The following KIF26B variants were observed in gnomAD, a reference collection of about 807,000 sequenced individuals.
KIF26B encodes the protein kinesin-like protein KIF26B.
A neutral mutation model predicts 151.2 loss-of-function variants in KIF26B; 63 were observed. That is an observed-to-expected ratio of 0.42 (90% CI 0.34 to 0.51). The LOEUF (loss-of-function observed/expected upper bound fraction) is 0.51. KIF26B is among the 20% of genes least tolerant of loss of function. The pLI, the probability that KIF26B is intolerant of heterozygous loss-of-function variation, is 0.07. For missense variants in KIF26B, 2,813 were observed against 2,913.6 expected, an observed-to-expected ratio of 0.97 and a Z score of 0.79; for synonymous variants, 1,357 against 1,262.1, an observed-to-expected ratio of 1.08 and a Z score of -1.59.
At chr1:245,470,592 G>A (rs972433049) in intron 4 of KIF26B, among the ~76,000 whole-genome samples, 10 of 151,850 alleles carry the variant, frequency 6.6e-5, no homozygotes, top group African/African-American at 2.4e-4. Flanking sequence ...CACCACGCCC[G>A]GCTAATTTTT....
chr1:245,326,564 A>C (rs1349779425), intron 2 of KIF26B, among the ~76,000 whole-genome samples: 1 of 152,200 alleles, frequency 6.6e-6, no homozygotes, highest in East Asian at 1.9e-4. Flanking sequence ...CATGCTCAGA[A>C]ATGCTGACTT....
rs763261960 is a variant in KIF26B at position 245,609,489 on chromosome 1, G to A, written c.1875G>A (p.Pro625=). The change falls in exon 8 of 15, where the codon CCG becomes CCA. Residue 625 remains proline, a synonymous_variant. Transcript: ENST00000407071. ...GCAGCCTGCAGGACGGCCAGTCCCCGGGCGTGTACCTCTGTGAGGACCCCA... is the reference window on the plus strand; with the variant it reads ...GCAGCCTGCAGGACGGCCAGTCCCCAGGCGTGTACCTCTGTGAGGACCCCA... The part of the protein sequence containing the change: ...ATGSLQDGQS[P]GVYLCEDPIC... 48 of 1,594,720 alleles carry A rather than the reference G, an allele frequency of 3.0e-5. No homozygotes were observed. The East Asian group carries it at 6.5e-4, about 22-fold the overall frequency.
At chr1:245,369,894 C>G (rs371304818) in intron 3 of KIF26B, among the ~76,000 whole-genome samples, 1 of 152,326 alleles carries the variant, frequency 6.6e-6, no homozygotes, top group African/African-American at 2.4e-5. Flanking sequence ...TAATGAGGAA[C>G]CAGTGGCGTC....
chr1:245,475,286 G>A (rs533474559), intron 4 of KIF26B, among the ~76,000 whole-genome samples: 2 of 151,930 alleles, frequency 1.3e-5, no homozygotes, highest in East Asian at 3.9e-4. Context: ...GAATCGGAAT[G>A]AGGTCATACT....
intron 4 of KIF26B, among the ~76,000 whole-genome samples, chr1:245,480,040 G>A (rs1041986080): frequency 6.6e-6 from 1 of 151,820 alleles, no homozygotes; most frequent in African/African-American, 2.4e-5. Flanking sequence ...GAGGCAGGTG[G>A]ATCGCTTGAG....
intron 2 of KIF26B, among the ~76,000 whole-genome samples, chr1:245,243,219 T>A (rs770544553): frequency 2.6e-5 from 4 of 152,206 alleles, no homozygotes; most frequent in African/African-American, 4.8e-5. Flanking sequence ...CTTGTCTTTA[T>A]CAAACTTTAA....
intron 2 of KIF26B, among the ~76,000 whole-genome samples, chr1:245,254,913 C>T (rs1670506207): frequency 6.6e-6 from 1 of 152,148 alleles, no homozygotes; most frequent in Non-Finnish European, 1.5e-5. Context: ...CCTATTTTTA[C>T]TTTAAAAGTA....
intron 14 of KIF26B, among the ~76,000 whole-genome samples, chr1:245,701,883 G>C (rs1403126200): frequency 6.6e-6 from 1 of 152,172 alleles, no homozygotes; most frequent in East Asian, 1.9e-4. Flanking sequence ...CCTCTGCCCG[G>C]CCACCTCTGG....
chr1:245,591,530 C>T (rs1223465336), intron 5 of KIF26B, among the ~76,000 whole-genome samples: 8 of 152,178 alleles, frequency 5.3e-5, no homozygotes, highest in African/African-American at 1.7e-4. Context: ...CAAACCCAGG[C>T]CGCCTGTCTC....
chr1:245,670,900 G>T (rs1558261682), intron 10 of KIF26B, among the ~76,000 whole-genome samples: 1 of 151,874 alleles, frequency 6.6e-6, no homozygotes, highest in Admixed American at 6.6e-5. Flanking sequence ...GTACAATTAA[G>T]TTGTTATAGT....
intron 4 of KIF26B, among the ~76,000 whole-genome samples, chr1:245,499,667 T>C (rs1660581527): frequency 6.6e-6 from 1 of 152,222 alleles, no homozygotes; most frequent in Admixed American, 6.5e-5. Flanking sequence ...AGAGGCAAAG[T>C]GAGCAGCATT....
intron 4 of KIF26B, among the ~76,000 whole-genome samples, chr1:245,518,213 C>T (rs10924227): frequency 0.25 from 37,789 of 151,970 alleles, 5,734 homozygotes; most frequent in East Asian, 0.49. Context: ...ACTAAGACAA[C>T]GTATTTTTCA....
Position 245,540,525 on chromosome 1 carries a change from C to G in KIF26B, c.1167-242C>G, listed in dbSNP as rs113641701. ...GGATAACACATCATTCTTTGTAAAT[C>G]GTGATTGCAGAATCCTGCTATTTTA... On this transcript the variant is annotated intron_variant, in intron 4 of 14. Coordinates refer to ENST00000407071, the MANE Select transcript of KIF26B (RefSeq NM_018012.4). The surrounding 1 kb of genome is among the most constrained non-coding windows in gnomAD (Gnocchi z 4.6). 1.2e-5 allele frequency: 8 copies of G among 687,792 alleles called. No homozygotes were observed. In the East Asian group the frequency reaches 1.4e-4, roughly 12 times the overall value. The allele number at this position is 687,792 out of a possible 1,614,324, so 42.6% of individuals were successfully genotyped here.
chr1:245,442,044 G>T (rs1659117829), intron 4 of KIF26B, among the ~76,000 whole-genome samples: 2 of 152,264 alleles, frequency 1.3e-5, no homozygotes, highest in Admixed American at 1.3e-4. Context: ...TGGGTAGCCA[G>T]TGAGCACTTG....
chr1:245,415,409 C>T (rs112583378), intron 3 of KIF26B, among the ~76,000 whole-genome samples: 3,516 of 152,026 alleles, frequency 0.023, 140 homozygotes, highest in African/African-American at 0.08. Flanking sequence ...ATTTGCAGGG[C>T]TGAGGAAGAG....
intron 2 of KIF26B, among the ~76,000 whole-genome samples, chr1:245,341,362 C>T (rs185450803): frequency 7.4e-6 from 1 of 134,568 alleles, no homozygotes; most frequent in Non-Finnish European, 1.6e-5. Context: ...GCTTTGTCAC[C>T]CAGGCTAGCC....
chr1:245,197,509 C>T (rs955787062), intron 2 of KIF26B, among the ~76,000 whole-genome samples: 9 of 152,172 alleles, frequency 5.9e-5, no homozygotes, highest in South Asian at 4.2e-4. Context: ...CACACACACA[C>T]GTGCTCACAC....
intron 3 of KIF26B, among the ~76,000 whole-genome samples, chr1:245,393,482 C>G (rs1451336857): frequency 6.6e-6 from 1 of 151,790 alleles, no homozygotes; most frequent in Non-Finnish European, 1.5e-5. Context: ...TTGTTTTCTT[C>G]TCTTTTGTAT....
At chr1:245,184,050 G>GTTTGTTTTTTTT (rs1668954964) in intron 2 of KIF26B, among the ~76,000 whole-genome samples, 12 of 19,802 alleles carry the variant, frequency 6.1e-4, no homozygotes, top group African/African-American at 1.8e-3. Context: ...GGGAGTTGTT[G>GTTTGTTTTTTTT]TTTTTTTTTT....
Sources: allele counts gnomAD v4.1 joint callset (sites outside exome capture counted in the v4.1 genomes callset), GRCh38; gene constraint gnomAD v4.1.1; non-coding constraint Gnocchi (gnomAD v3.1); transcripts MANE v1.5; gene names NCBI Gene and HGNC (gene_info 2026-07-23, HGNC 2026-07-21).